ZC3H14: variants seen among roughly 807,000 people sequenced by gnomAD.
ZC3H14 encodes the protein zinc finger CCCH domain-containing protein 14.
Under a neutral mutation model 92.4 loss-of-function variants are expected in ZC3H14, and 31 were observed. That is an observed-to-expected ratio of 0.34 (90% CI 0.25 to 0.45). The LOEUF (loss-of-function observed/expected upper bound fraction) is 0.45, where lower values mean the gene tolerates loss of function less well. Ranked by LOEUF, ZC3H14 falls within the 20% of genes least tolerant of loss-of-function variation. The pLI is 1.00. For synonymous variants in ZC3H14, 321 were observed against 300.9 expected (o/e 1.07, Z -0.69); for missense variants, 781 against 897.3 (o/e 0.87, Z 1.66).
chr14:88,594,605 G>A, intron 9 of ZC3H14: 3 of 1,583,966 alleles, frequency 1.9e-6, no homozygotes, highest in Non-Finnish European at 2.6e-6. Flanking sequence ...ACGTCTTAAG[G>A]TAACAGCCTT....
intron 8 of ZC3H14, 87 bp from the exon 9 acceptor site, chr14:88,577,898 C>A (rs148983050): frequency 1.9e-6 from 3 of 1,543,962 alleles, no homozygotes; most frequent in Non-Finnish European, 2.7e-6. Flanking sequence ...CCAAAGGAGG[C>A]ATTTATATTT....
intron 2 of ZC3H14, among the ~76,000 whole-genome samples, chr14:88,567,605 G>A (rs1221128863): frequency 6.6e-6 from 1 of 152,018 alleles, no homozygotes; most frequent in East Asian, 1.9e-4. Flanking sequence ...GTGAGTAATT[G>A]AAACCTGCCT....
intron 8 of ZC3H14, among the ~76,000 whole-genome samples, chr14:88,576,945 C>A (rs1228443631): frequency 6.6e-6 from 1 of 152,084 alleles, no homozygotes; most frequent in South Asian, 2.1e-4. Context: ...CGCCCACTAC[C>A]ATGCCAGGCT....
chr14:88,611,563 A>G (rs2086775069), intron 16 of ZC3H14, among the ~76,000 whole-genome samples, 182 bp from the exon 17 acceptor site: 2 of 152,220 alleles, frequency 1.3e-5, no homozygotes, highest in Non-Finnish European at 2.9e-5. Context: ...ATTTAATTAC[A>G]TATGGTATTA....
chr14:88,563,403 C>A, intron 1 of ZC3H14: 1 of 1,430,690 alleles, frequency 7.0e-7, no homozygotes. Context: ...GGCGCAGGCC[C>A]GGCTGGAGCC....
At chr14:88,582,875 C>T (rs936085398) in intron 9 of ZC3H14, among the ~76,000 whole-genome samples, 11 of 152,084 alleles carry the variant, frequency 7.2e-5, no homozygotes, top group African/African-American at 2.2e-4. Context: ...AACATGCACT[C>T]GTATTGGCAT....
intron 9 of ZC3H14, among the ~76,000 whole-genome samples, chr14:88,585,216 G>T (rs1411171536): frequency 1.3e-5 from 2 of 152,046 alleles, no homozygotes; most frequent in African/African-American, 4.8e-5. Context: ...ACAATTACTG[G>T]TATAGTTGGA....
Position 88,609,763 on chromosome 14 carries a change from C to G in ZC3H14, c.2057C>G (p.Pro686Arg), listed in dbSNP as rs777246003. The change falls in exon 15 of 17, where the codon CCT becomes CGT. Residue 686 changes from proline to arginine, a missense_variant. Pro to Arg is a moderately radical substitution (Grantham distance 103). Around this residue, in one of 3 missense-constraint regions of ZC3H14, gnomAD observed 221 missense variants for 304.7 expected, o/e 0.73. Coordinates refer to ENST00000251038, the MANE Select transcript of ZC3H14 (RefSeq NM_024824.5). Reference sequence around the variant, plus strand: ...AGTAGTCAGCTCTGCCGTTACTTCCCTGCTTGTAAGAAGATGGAATGTCCC... The same window carrying G: ...AGTAGTCAGCTCTGCCGTTACTTCCGTGCTTGTAAGAAGATGGAATGTCCC... ...PSSSQLCRYF[P>R]ACKKMECPFY... is the part of the protein sequence containing the mutation. 7 of 1,614,052 alleles carry G rather than the reference C, an allele frequency of 4.3e-6. No homozygotes were observed. Among genetic ancestry groups the G allele is most frequent in the Admixed American group, 1.7e-5 (1 of 60,004 alleles).
rs1217892369 is a variant in ZC3H14, at chr14:88,618,162, C to A, written c.*6411C>A. 5.1e-6 allele frequency: 7 copies of A among 1,380,638 alleles called. No individual in the cohort carries two copies. Among genetic ancestry groups the A allele is most frequent in the African/African-American group, 1.4e-5 (1 of 70,600 alleles). The allele number at this position is 1,380,638 out of a possible 1,614,324, so 85.5% of individuals were successfully genotyped here. On this transcript the variant is annotated 3_prime_UTR_variant, in exon 17 of 17. Transcript: ENST00000251038. The stretch of plus-strand genomic sequence containing the variant: ...CCTTATTGGAATGGCTCTAACAGTT[C>A]AGAAATAGGATTTTCTAACTGGCCT...
At position 88,615,847 on chromosome 14, in the gene ZC3H14, C is replaced by T. The variant is rs1567008214; in HGVS notation, c.*4096C>T. Reference sequence around the variant, plus strand: ...TGAGGTGTATGTACACATTTCCAGACAAATAAGCTGCAATCAGAGAAGAAA... The same window carrying T: ...TGAGGTGTATGTACACATTTCCAGATAAATAAGCTGCAATCAGAGAAGAAA... On this transcript the variant is annotated 3_prime_UTR_variant, in exon 17 of 17. Coordinates refer to ENST00000251038, the MANE Select transcript of ZC3H14 (RefSeq NM_024824.5). The T allele has an allele frequency of 6.2e-7, 1 of 1,611,506 alleles. No homozygotes were observed. Among genetic ancestry groups the T allele is most frequent in the Non-Finnish European group, 8.5e-7 (1 of 1,178,876 alleles).
Position 88,611,914 on chromosome 14 carries a change from T to G in ZC3H14, c.*163T>G. 2.1e-6 allele frequency: 2 copies of G among 968,008 alleles called. No individual in the cohort carries two copies. The highest frequency in any genetic ancestry group is 3.1e-6 in the Non-Finnish European group (2 of 648,874). 60.0% of individuals were successfully genotyped at this position (968,008 alleles called of 1,614,324 possible). On this transcript the variant is annotated 3_prime_UTR_variant, in exon 17 of 17. Coordinates refer to ENST00000251038, the MANE Select transcript of ZC3H14 (RefSeq NM_024824.5). ...TCTGAAGTGTCTAATTTTTCAAGTT[T>G]GTAAGTTTATTATGTGGTTTTAACA...
rs1566907015 is a variant in ZC3H14 at position 88,574,837 on chromosome 14, G to A, written c.1006G>A (p.Ala336Thr). The A allele has an allele frequency of 1.2e-6, 2 of 1,614,162 alleles. No homozygotes were observed. The highest frequency in any genetic ancestry group is 1.1e-5 in the South Asian group (1 of 91,078). ...CATCTCCAGCAGTGTGTCTGTGCCT[G>A]CAAAGCCTGAAAGGAGGTACCTTGA... is the stretch of plus-strand genomic sequence containing the variant. ...GSISSSVSVP[A>T]KPERRPSLPP... The change falls in exon 7 of 17, where the codon GCA becomes ACA. Residue 336 changes from alanine to threonine, a missense_variant. Physicochemically the swap from Ala to Thr is moderately conservative, Grantham distance 58. This residue lies in a region of ZC3H14 where 454 missense variants were observed against 438.5 expected (regional missense o/e 1.04). Coordinates refer to ENST00000251038, the MANE Select transcript of ZC3H14 (RefSeq NM_024824.5).
In ZC3H14 at chr14:88,623,570, T is replaced by A. The variant is rs1444723399; in HGVS notation, c.*11819T>A. The stretch of plus-strand genomic sequence containing the variant: ...CAAGTAGCTGGGATTACAGGCACCA[T>A]GCCTGGCTAATTTTTGTATTTTTAG... On this transcript the variant is annotated 3_prime_UTR_variant, in exon 17 of 17. Coordinates refer to ENST00000251038, the MANE Select transcript of ZC3H14 (RefSeq NM_024824.5). 2.0e-5 allele frequency: 3 copies of A among 151,888 alleles called. No homozygotes were observed. Among genetic ancestry groups the A allele is most frequent in the African/African-American group, 7.3e-5 (3 of 41,298 alleles). 9.4% of individuals were successfully genotyped at this position (151,888 alleles called of 1,614,324 possible).
chr14:88,572,244 C>A lies in ZC3H14; in HGVS notation c.431+19C>A, dbSNP rs754750215. On this transcript the variant is annotated intron_variant, in intron 5 of 16. Transcript: ENST00000251038. ...ATGTCAGGTAAGAGTCTGGTGTAGACCTGCTGGGGGCAGATGGCTCTGTGT... is the reference window on the plus strand; with the variant it reads ...ATGTCAGGTAAGAGTCTGGTGTAGAACTGCTGGGGGCAGATGGCTCTGTGT... The A allele has an allele frequency of 7.4e-6, 12 of 1,612,698 alleles. No homozygotes were observed. The South Asian group carries it at 1.1e-4, about 15-fold the overall frequency.
chr14:88,571,690 G>A lies in ZC3H14; in HGVS notation c.236-340G>A, dbSNP rs147063583. 1.1e-4 allele frequency among the ~76,000 whole-genome samples: 17 copies of A among 152,280 alleles called. No individual in the cohort carries two copies. In the East Asian group the frequency reaches 1.5e-3, roughly 14 times the overall value. ...GTAATAAAAATAGATGGCCGGGCAC[G>A]GTGGCTCACGCCTGTAATCCCAGCA... On this transcript the variant is annotated intron_variant, in intron 4 of 16. Coordinates refer to ENST00000251038, the MANE Select transcript of ZC3H14 (RefSeq NM_024824.5).
At chr14:88,565,748 C>T (rs979883963) in intron 2 of ZC3H14, among the ~76,000 whole-genome samples, 1 of 152,030 alleles carries the variant, frequency 6.6e-6, no homozygotes, top group Admixed American at 6.6e-5. Context: ...AAAAGACTAT[C>T]AGAATACTCC....
chr14:88,570,982 A>T (rs1344453690), intron 3 of ZC3H14, 102 bp from the exon 4 acceptor site: 52 of 936,888 alleles, frequency 5.6e-5, no homozygotes, highest in Non-Finnish European at 5.5e-5. Flanking sequence ...AAAAAAATTT[A>T]AAAAATTATC....
At position 88,597,360 on chromosome 14, in the gene ZC3H14, A is replaced by T. The variant is rs112345774; in HGVS notation, c.1354+552A>T. ...TTTATTATCTCTGTCCTCAGTGCCC[A>T]GCCCCTGCCAGATGCATGTTCAATG... is the stretch of plus-strand genomic sequence containing the variant. On this transcript the variant is annotated intron_variant, in intron 10 of 16. Transcript: ENST00000251038. Among the ~76,000 whole-genome samples the T allele has an allele frequency of 9.4e-3, 1,430 of 152,268 alleles. 28 individuals carry two copies. The highest frequency in any genetic ancestry group is 0.032 in the African/African-American group (1,311 of 41,538).
chr14:88,616,350 G>A lies in ZC3H14; in HGVS notation c.*4599G>A. ...ACAAGAGCTGTGGAGAGAGTAGGGA[G>A]TTAGCACCGCAGCCAGTGATTAGAA... On this transcript the variant is annotated 3_prime_UTR_variant, in exon 17 of 17. Coordinates refer to ENST00000251038, the MANE Select transcript of ZC3H14 (RefSeq NM_024824.5). 1 of 1,067,030 alleles carries A rather than the reference G, an allele frequency of 9.4e-7. No individual in the cohort carries two copies. Among genetic ancestry groups the A allele is most frequent in the Non-Finnish European group, 1.4e-6 (1 of 701,630 alleles). The allele number at this position is 1,067,030 out of a possible 1,614,324, so 66.1% of individuals were successfully genotyped here.
Sources: gnomAD v4.1 joint callset for allele counts (sites outside exome capture counted in the v4.1 genomes callset) on GRCh38, gnomAD v4.1.1 for gene constraint, gnomAD v4.1.1 regional missense constraint, MANE v1.5 for transcripts, NCBI Gene and HGNC (gene_info 2026-07-23, HGNC 2026-07-21) for gene names.